Variants in TTC28 observed in about 807,000 individuals in gnomAD.
The protein encoded by TTC28 is tetratricopeptide repeat protein 28.
A neutral mutation model predicts 198.0 loss-of-function variants in TTC28; 61 were observed. That is an observed-to-expected ratio of 0.31 (90% CI 0.25 to 0.38). The LOEUF is 0.38. Among genes scored for constraint, TTC28 ranks in the 10% least tolerant of loss-of-function variants. The pLI, the probability that TTC28 is intolerant of heterozygous loss-of-function variation, is 1.00. For synonymous variants in TTC28, 1,171 were observed against 1,297.8 expected, an observed-to-expected ratio of 0.90 and a Z score of 2.10; for missense variants, 2,678 against 3,164.0, an observed-to-expected ratio of 0.85 and a Z score of 3.69.
chr22:28,016,445 C>T (rs1351164065), intron 13 of TTC28, among the ~76,000 whole-genome samples: 4 of 152,218 alleles, frequency 2.6e-5, no homozygotes, highest in Admixed American at 6.5e-5. Flanking sequence ...AGCATGGCCC[C>T]GAAGAGCCTA....
At chr22:28,166,017 G>A (rs1415398336) in intron 5 of TTC28, among the ~76,000 whole-genome samples, 3 of 152,134 alleles carry the variant, frequency 2.0e-5, no homozygotes, top group Admixed American at 2.0e-4. Context: ...AAAAAAGGCA[G>A]GGGTTGCAAT....
intron 2 of TTC28, among the ~76,000 whole-genome samples, chr22:28,465,329 T>C (rs2048002488): frequency 6.6e-6 from 1 of 152,216 alleles, no homozygotes; most frequent in East Asian, 1.9e-4. Flanking sequence ...AGGCACAAAA[T>C]TATGCCTTAT....
chr22:28,508,710 T>A (rs1026362394), intron 2 of TTC28, among the ~76,000 whole-genome samples: 1 of 151,884 alleles, frequency 6.6e-6, no homozygotes, highest in Non-Finnish European at 1.5e-5. Context: ...AATACAGGAG[T>A]ATCCAGATTC....
At chr22:28,047,748 G>T (rs910824580) in intron 12 of TTC28, among the ~76,000 whole-genome samples, 1 of 152,116 alleles carries the variant, frequency 6.6e-6, no homozygotes, top group Non-Finnish European at 1.5e-5. Context: ...CTTCTCCTTG[G>T]CAACAATGGA....
intron 2 of TTC28, among the ~76,000 whole-genome samples, chr22:28,605,879 T>C (rs957540373): frequency 3.9e-5 from 6 of 152,176 alleles, no homozygotes; most frequent in Admixed American, 3.9e-4. Context: ...TAAATGTCAG[T>C]GGTCTATTAA....
At chr22:28,406,490 G>A (rs134548) in intron 2 of TTC28, among the ~76,000 whole-genome samples, 37,653 of 152,054 alleles carry the variant, frequency 0.25, 4,865 homozygotes, top group African/African-American at 0.28. Flanking sequence ...GCTGTGTAGC[G>A]GAGGAACAGC....
intron 2 of TTC28, among the ~76,000 whole-genome samples, chr22:28,572,075 T>C (rs1385284121): frequency 2.0e-5 from 3 of 151,842 alleles, no homozygotes; most frequent in African/African-American, 4.8e-5. Context: ...AGCTCATGCC[T>C]GTAATCCCAA....
chr22:28,436,203 T>C (rs190525579), intron 2 of TTC28, among the ~76,000 whole-genome samples: 92 of 152,340 alleles, frequency 6.0e-4, no homozygotes, highest in Non-Finnish European at 8.8e-5. Context: ...AGAGATAAAT[T>C]TGCAAGCTTA....
chr22:28,332,770 C>CT (rs1371857568), intron 2 of TTC28, among the ~76,000 whole-genome samples: 2 of 152,040 alleles, frequency 1.3e-5, no homozygotes, highest in African/African-American at 2.4e-5. Flanking sequence ...TGCAAGATAT[C>CT]TTTTTTATTT....
intron 2 of TTC28, among the ~76,000 whole-genome samples, chr22:28,343,144 A>G (rs2045858362): frequency 6.6e-6 from 1 of 152,216 alleles, no homozygotes; most frequent in Non-Finnish European, 1.5e-5. Context: ...AAAATGTATA[A>G]TCCATGAAAT....
intron 2 of TTC28, among the ~76,000 whole-genome samples, chr22:28,608,929 GA>G (rs2050776299): frequency 6.6e-6 from 1 of 152,190 alleles, no homozygotes; most frequent in Non-Finnish European, 1.5e-5. Context: ...AACTCTGGGA[GA>G]GGGGGAGAGC....
chr22:28,129,144 A>G (rs1432538821), intron 6 of TTC28, among the ~76,000 whole-genome samples: 1 of 152,170 alleles, frequency 6.6e-6, no homozygotes, highest in Non-Finnish European at 1.5e-5. Flanking sequence ...AATGACAGCA[A>G]TCTCAAAGTT....
intron 5 of TTC28, among the ~76,000 whole-genome samples, chr22:28,261,879 A>G (rs1357787736): frequency 6.6e-6 from 1 of 152,120 alleles, no homozygotes; most frequent in African/African-American, 2.4e-5. Flanking sequence ...ACCTTTTAAC[A>G]TCTCACAGAA....
At chr22:28,443,486 CTT>C (rs1409945788) in intron 2 of TTC28, among the ~76,000 whole-genome samples, 2 of 152,152 alleles carry the variant, frequency 1.3e-5, no homozygotes, top group Non-Finnish European at 2.9e-5. Flanking sequence ...TCTTGGATAA[CTT>C]GGGAAAAGGA....
chr22:28,159,721 C>A (rs1293908411), intron 6 of TTC28, among the ~76,000 whole-genome samples: 1 of 151,400 alleles, frequency 6.6e-6, no homozygotes, highest in Non-Finnish European at 1.5e-5. Context: ...TGGATATATA[C>A]CCACAAGAAA....
chr22:28,061,596 T>C (rs779281290), intron 12 of TTC28, among the ~76,000 whole-genome samples: 10 of 152,188 alleles, frequency 6.6e-5, no homozygotes, highest in Middle Eastern at 3.2e-3. Flanking sequence ...TTGGTACCAG[T>C]ACCATGCTGT....
At chr22:28,603,646 C>T (rs1415208151) in intron 2 of TTC28, among the ~76,000 whole-genome samples, 5 of 152,154 alleles carry the variant, frequency 3.3e-5, no homozygotes, top group Admixed American at 1.3e-4. Context: ...TCTCCTGCCT[C>T]GGCTTTCCAA....
intron 5 of TTC28, among the ~76,000 whole-genome samples, chr22:28,190,551 C>T (rs1036295001): frequency 6.6e-6 from 1 of 152,160 alleles, no homozygotes; most frequent in Non-Finnish European, 1.5e-5. Context: ...GGCCAACAAA[C>T]ATGTTTTATT....
At chr22:28,486,486 C>T (rs1004423051) in intron 2 of TTC28, among the ~76,000 whole-genome samples, 1 of 151,240 alleles carries the variant, frequency 6.6e-6, no homozygotes, top group African/African-American at 2.4e-5. Flanking sequence ...TTGCAGACTG[C>T]CAAAAGTGGG....
Sources: gnomAD v4.1 joint callset for allele counts (sites outside exome capture counted in the v4.1 genomes callset) on GRCh38, gnomAD v4.1.1 for gene constraint, MANE v1.5 for transcripts, NCBI Gene and HGNC (gene_info 2026-07-23, HGNC 2026-07-21) for gene names.